Variants in GLIS3 observed in about 807,000 individuals in gnomAD.
GLIS3 encodes the protein GLIS family zinc finger 3.
Under a neutral mutation model 78.6 loss-of-function variants are expected in GLIS3, and 53 were observed. The observed-to-expected ratio is 0.67, with a 90% CI of 0.54 to 0.85. The LOEUF (loss-of-function observed/expected upper bound fraction) is 0.85. GLIS3 is among the 40% of genes least tolerant of loss of function. The probability of loss-of-function intolerance (pLI) is 0.00; values close to 1 mark genes in which losing one functional copy is unlikely to be tolerated. For synonymous variants in GLIS3, 684 were observed against 509.9 expected (o/e 1.34, Z -4.60); for missense variants, 1,703 against 1,231.1 (o/e 1.38, Z -5.74).
At chr9:4,371,084 C>T in the GLIS3 span, among the ~76,000 whole-genome samples, 1 of 152,126 alleles carries the variant, frequency 6.6e-6, no homozygotes, top group African/African-American at 2.4e-5. Flanking sequence ...GTCTAAAATT[C>T]TAATTTTTGT....
At chr9:3,963,012 T>C (rs926727766) in intron 4 of GLIS3, among the ~76,000 whole-genome samples, 10 of 150,222 alleles carry the variant, frequency 6.7e-5, no homozygotes, top group African/African-American at 2.5e-4. Context: ...CCAGTGCTAA[T>C]CAATAACTGG....
At chr9:3,832,229 AATTAC>A (rs1316150800) in intron 9 of GLIS3, among the ~76,000 whole-genome samples, 2 of 149,836 alleles carry the variant, frequency 1.3e-5, no homozygotes, top group Non-Finnish European at 3.0e-5. Context: ...TAATAATATA[AATTAC>A]ATAGTATATA....
intron 2 of GLIS3, among the ~76,000 whole-genome samples, chr9:4,151,457 G>A (rs1834671695): frequency 6.6e-6 from 1 of 152,206 alleles, no homozygotes; most frequent in Non-Finnish European, 1.5e-5. Context: ...AGACTGCTCA[G>A]GGAGAGCAAG....
At chr9:4,179,359 C>G (rs887532244) in intron 2 of GLIS3, among the ~76,000 whole-genome samples, 4 of 152,150 alleles carry the variant, frequency 2.6e-5, no homozygotes, top group Non-Finnish European at 5.9e-5. Flanking sequence ...AACTTGCAGT[C>G]AAATTACAAA....
the GLIS3 span, among the ~76,000 whole-genome samples, chr9:4,473,262 A>G: frequency 2.0e-5 from 3 of 152,124 alleles, no homozygotes; most frequent in African/African-American, 7.2e-5. Flanking sequence ...CCTGACCATC[A>G]TGGTGAAACC....
chr9:4,153,626 C>G (rs903234292), intron 2 of GLIS3, among the ~76,000 whole-genome samples: 1 of 152,080 alleles, frequency 6.6e-6, no homozygotes, highest in African/African-American at 2.4e-5. Context: ...AGAAAGAGAA[C>G]AGAAGTATAA....
At chr9:4,331,982 C>G (rs956042966) in intron 2 of GLIS3, among the ~76,000 whole-genome samples, 8 of 152,176 alleles carry the variant, frequency 5.3e-5, no homozygotes, top group Non-Finnish European at 1.2e-4. Context: ...CTTCCTAGCT[C>G]TTCTTCAACT....
At chr9:4,438,823 G>A in the GLIS3 span, among the ~76,000 whole-genome samples, 7 of 152,230 alleles carry the variant, frequency 4.6e-5, no homozygotes, top group Non-Finnish European at 5.9e-5. Flanking sequence ...ACATAATTGT[G>A]AGAACTCCCC....
intron 2 of GLIS3, among the ~76,000 whole-genome samples, chr9:4,275,253 G>C (rs890435388): frequency 6.6e-6 from 1 of 152,116 alleles, no homozygotes; most frequent in Non-Finnish European, 1.5e-5. Flanking sequence ...AAAAAGTCAA[G>C]TAAAATTTTC....
chr9:4,197,060 A>G (rs1034906916), intron 2 of GLIS3, among the ~76,000 whole-genome samples: 2 of 152,070 alleles, frequency 1.3e-5, no homozygotes, highest in African/African-American at 4.8e-5. Flanking sequence ...GCCCAGGCAG[A>G]TCTCCAAGTA....
At chr9:4,099,974 C>G (rs1219921831) in intron 4 of GLIS3, among the ~76,000 whole-genome samples, 2 of 152,230 alleles carry the variant, frequency 1.3e-5, no homozygotes, top group African/African-American at 4.8e-5. Flanking sequence ...CTCTGACTCT[C>G]AGTTTCCCAG....
intron 2 of GLIS3, among the ~76,000 whole-genome samples, chr9:4,129,976 T>G (rs979660293): frequency 6.6e-6 from 1 of 152,130 alleles, no homozygotes; most frequent in Non-Finnish European, 1.5e-5. Context: ...GAGGAACTTG[T>G]TGGGAACTGG....
At chr9:4,296,826 G>A (rs1003199670) in intron 1 of GLIS3, among the ~76,000 whole-genome samples, 8 of 150,026 alleles carry the variant, frequency 5.3e-5, no homozygotes, top group Non-Finnish European at 1.0e-4. Flanking sequence ...GTCTGGCTGC[G>A]CAGATGACCA....
intron 2 of GLIS3, among the ~76,000 whole-genome samples, chr9:4,335,983 C>A (rs1031602752): frequency 6.6e-6 from 1 of 152,162 alleles, no homozygotes; most frequent in Non-Finnish European, 1.5e-5. Context: ...GAAGAAAGGG[C>A]AGGGAGCAAG....
At chr9:3,858,465 C>T (rs1257393705) in intron 8 of GLIS3, among the ~76,000 whole-genome samples, 3 of 152,086 alleles carry the variant, frequency 2.0e-5, no homozygotes, top group African/African-American at 7.2e-5. Context: ...ATGGTTTTAG[C>T]ACTGCTATCT....
intron 2 of GLIS3, among the ~76,000 whole-genome samples, chr9:4,172,070 T>C (rs189986643): frequency 9.9e-4 from 151 of 152,328 alleles, no homozygotes; most frequent in African/African-American, 3.5e-3. Flanking sequence ...TTATACCAAG[T>C]TCTTATATTT....
chr9:4,463,623 T>G, the GLIS3 span, among the ~76,000 whole-genome samples: 2 of 152,216 alleles, frequency 1.3e-5, no homozygotes, highest in East Asian at 3.8e-4. Context: ...GAGAATACAC[T>G]TATTTTAACC....
intron 2 of GLIS3, among the ~76,000 whole-genome samples, chr9:4,218,110 A>G (rs1339372701): frequency 6.6e-6 from 1 of 152,158 alleles, no homozygotes; most frequent in Non-Finnish European, 1.5e-5. Context: ...TTATCCATCT[A>G]CCCAGTTGCT....
chr9:3,986,076 A>G (rs924783754), intron 4 of GLIS3, among the ~76,000 whole-genome samples: 6 of 152,246 alleles, frequency 3.9e-5, no homozygotes, highest in Non-Finnish European at 8.8e-5. Context: ...TAGTTAAATT[A>G]CAGAATAATT....
Sources: allele counts gnomAD v4.1 joint callset (sites outside exome capture counted in the v4.1 genomes callset), GRCh38; gene constraint gnomAD v4.1.1; transcripts MANE v1.5; gene names NCBI Gene and HGNC (gene_info 2026-07-23, HGNC 2026-07-21).